The following CADPS variants were observed in gnomAD, a reference collection of about 807,000 sequenced individuals.
CADPS encodes the protein calcium dependent secretion activator.
A neutral mutation model predicts 167.3 loss-of-function variants in CADPS; 57 were observed. The ratio of observed to expected loss-of-function variants is 0.34; its 90% CI spans 0.28 to 0.42. The LOEUF is 0.42. Among genes scored for constraint, CADPS ranks in the 20% least tolerant of loss-of-function variants. CADPS has a pLI of 1.00. For missense variants in CADPS, 1,414 were observed against 1,738.1 expected, an observed-to-expected ratio of 0.81 and a Z score of 3.32; for synonymous variants, 676 against 635.3, an observed-to-expected ratio of 1.06 and a Z score of -0.96.
At chr3:62,416,446 A>G (rs1173906888) in intron 28 of CADPS, among the ~76,000 whole-genome samples, 2 of 152,180 alleles carry the variant, frequency 1.3e-5, no homozygotes, top group African/African-American at 4.8e-5. Flanking sequence ...ACGGTGACAT[A>G]TACTTGGACT....
At chr3:62,654,091 T>G (rs563610577) in intron 4 of CADPS, among the ~76,000 whole-genome samples, 1 of 152,284 alleles carries the variant, frequency 6.6e-6, no homozygotes, top group East Asian at 1.9e-4. Flanking sequence ...ATTTTGTCAT[T>G]CTTGGACTTG....
In CADPS at chr3:62,412,729, G is replaced by T. The variant is rs1385503491; in HGVS notation, c.3778-9544C>A. On this transcript the variant is annotated intron_variant, in intron 28 of 29. Transcript: ENST00000383710. The surrounding 1 kb of genome is among the most constrained non-coding windows in gnomAD (Gnocchi z 4.1). ...AACCCAAGTCAGTCCTGTTGCATGG[G>T]GGAAATTTCAAGGGGAGGCAAGAGT... 2.0e-5 allele frequency among the ~76,000 whole-genome samples: 3 copies of T among 152,094 alleles called. No homozygotes were observed. Among genetic ancestry groups the T allele is most frequent in the African/African-American group, 7.2e-5 (3 of 41,406 alleles).
intron 1 of CADPS, among the ~76,000 whole-genome samples, chr3:62,858,453 C>A (rs755231073): frequency 2.6e-5 from 4 of 152,112 alleles, no homozygotes; most frequent in Non-Finnish European, 5.9e-5. Flanking sequence ...CACCTGTGAG[C>A]CAGCTGTATT....
At chr3:62,867,538 A>G (rs1019754958) in intron 1 of CADPS, among the ~76,000 whole-genome samples, 3 of 152,102 alleles carry the variant, frequency 2.0e-5, no homozygotes, top group African/African-American at 7.2e-5. Context: ...ACAGAGATGT[A>G]TTGTAGCCTG....
chr3:62,499,066 G>C (rs1198362075), intron 18 of CADPS, 96 bp downstream of exon 18: 1 of 678,608 alleles, frequency 1.5e-6, no homozygotes, highest in East Asian at 2.6e-5. Context: ...AAGAAAATGG[G>C]TGTTAAGGCA....
At chr3:62,693,987 G>A (rs2079743972) in intron 3 of CADPS, among the ~76,000 whole-genome samples, 1 of 152,002 alleles carries the variant, frequency 6.6e-6, no homozygotes, top group Non-Finnish European at 1.5e-5. Context: ...AAGATAGGAG[G>A]ACAAAGTGAC....
At chr3:62,759,958 A>T (rs974997307) in intron 2 of CADPS, among the ~76,000 whole-genome samples, 1 of 152,174 alleles carries the variant, frequency 6.6e-6, no homozygotes, top group African/African-American at 2.4e-5. Flanking sequence ...TTCACCAAAA[A>T]GTAAAGGATT....
At chr3:62,488,908 T>TA (rs1382115745) in intron 21 of CADPS, among the ~76,000 whole-genome samples, 1 of 152,212 alleles carries the variant, frequency 6.6e-6, no homozygotes, top group Admixed American at 6.5e-5. Flanking sequence ...AAAAAGCTAC[T>TA]AAAAAACACA....
In CADPS at chr3:62,570,446, T is replaced by C. The variant is rs1177812506; in HGVS notation, c.1644+426A>G. Among the ~76,000 whole-genome samples, 4 of 152,264 alleles carry C rather than the reference T, an allele frequency of 2.6e-5. No individual in the cohort carries two copies. In the East Asian group the frequency reaches 7.7e-4, roughly 29 times the overall value. On this transcript the variant is annotated intron_variant, in intron 9 of 29. Coordinates refer to ENST00000383710, the MANE Select transcript of CADPS (RefSeq NM_003716.4). ...ACTTTACTCATAATGCCTATCTCAG[T>C]TCTTTTCAAAATACTACATTGTTTT...
At chr3:62,588,470 A>G (rs1019481026) in intron 7 of CADPS, among the ~76,000 whole-genome samples, 55 of 151,912 alleles carry the variant, frequency 3.6e-4, no homozygotes, top group African/African-American at 1.1e-3. Context: ...ATCCTATAAT[A>G]TTGCAGGGTT....
At chr3:62,501,438 G>C (rs2065751877) in intron 17 of CADPS, among the ~76,000 whole-genome samples, 1 of 152,036 alleles carries the variant, frequency 6.6e-6, no homozygotes, top group Admixed American at 6.6e-5. Context: ...ACTATTTTTT[G>C]TTCGTTGATA....
At chr3:62,788,669 T>C (rs2092680362) in intron 1 of CADPS, among the ~76,000 whole-genome samples, 1 of 152,180 alleles carries the variant, frequency 6.6e-6, no homozygotes, top group African/African-American at 2.4e-5. Flanking sequence ...AGACAGGGTC[T>C]TTCTTAAATA....
At chr3:62,503,880 T>C (rs1035879735) in intron 17 of CADPS, among the ~76,000 whole-genome samples, 3 of 152,162 alleles carry the variant, frequency 2.0e-5, no homozygotes, top group Admixed American at 2.0e-4. Context: ...AATGAGTGTC[T>C]CATTAACCTT....
At chr3:62,586,124 G>T (rs867195919) in intron 7 of CADPS, among the ~76,000 whole-genome samples, 5 of 152,314 alleles carry the variant, frequency 3.3e-5, no homozygotes, top group Middle Eastern at 6.8e-3. Flanking sequence ...TGGGGAATAT[G>T]CATTTAGGGA....
At chr3:62,781,013 C>G (rs1485446192) in intron 1 of CADPS, among the ~76,000 whole-genome samples, 1 of 152,090 alleles carries the variant, frequency 6.6e-6, no homozygotes, top group Non-Finnish European at 1.5e-5. Context: ...TAAAAAGATA[C>G]TATTAGGGCT....
chr3:62,482,479 T>C (rs1243882320), intron 21 of CADPS, among the ~76,000 whole-genome samples: 1 of 152,152 alleles, frequency 6.6e-6, no homozygotes, highest in African/African-American at 2.4e-5. Flanking sequence ...ATTATGAAAT[T>C]GTATCAAGAA....
At chr3:62,865,315 G>T (rs998673175) in intron 1 of CADPS, among the ~76,000 whole-genome samples, 1 of 140,470 alleles carries the variant, frequency 7.1e-6, no homozygotes, top group African/African-American at 2.7e-5. Context: ...AAATCCCATT[G>T]TCTTTTTAAA....
At chr3:62,777,670 G>A (rs79191279) in intron 1 of CADPS, among the ~76,000 whole-genome samples, 3,936 of 152,156 alleles carry the variant, frequency 0.026, 65 homozygotes, top group Non-Finnish European at 0.038. Context: ...GAACTCTTCT[G>A]TATTTTCTGC....
rs760724616 is a variant in CADPS, at chr3:62,550,130, A to T, written c.1754-15T>A. ...ACCCTCCAAACCTGGAAGAAAAGGG[A>T]GTAACAACTTCTACTAAGCTGAGCT... On this transcript the variant is annotated splice_polypyrimidine_tract_variant and intron_variant, in intron 10 of 29. Coordinates refer to ENST00000383710, the MANE Select transcript of CADPS (RefSeq NM_003716.4). The T allele has an allele frequency of 1.2e-6, 2 of 1,602,210 alleles. No individual in the cohort carries two copies. Among genetic ancestry groups the T allele is most frequent in the South Asian group, 2.2e-5 (2 of 90,842 alleles).
Sources: allele counts gnomAD v4.1 joint callset (sites outside exome capture counted in the v4.1 genomes callset), GRCh38; gene constraint gnomAD v4.1.1; non-coding constraint Gnocchi (gnomAD v3.1); transcripts MANE v1.5; gene names NCBI Gene and HGNC (gene_info 2026-07-23, HGNC 2026-07-21).